Variants in SCFD1 observed in about 807,000 individuals in gnomAD.
SCFD1 encodes the protein sec1 family domain-containing protein 1.
A neutral mutation model predicts 103.2 loss-of-function variants in SCFD1; 37 were observed. The observed-to-expected ratio is 0.36, with a 90% CI of 0.28 to 0.47. SCFD1 has a LOEUF of 0.47. Ranked by LOEUF, SCFD1 falls within the 20% of genes least tolerant of loss-of-function variation. The pLI is 1.00. For missense variants in SCFD1, 639 were observed against 761.2 expected (o/e 0.84, Z 1.89); for synonymous variants, 264 against 245.0 (o/e 1.08, Z -0.73).
intron 10 of SCFD1, 76 bp from the exon 11 acceptor site, chr14:30,670,180 A>G (rs1274757993): frequency 5.0e-6 from 6 of 1,207,158 alleles, no homozygotes; most frequent in Non-Finnish European, 7.0e-6. Flanking sequence ...CCTTGGAAAC[A>G]TTAGAAAGGG....
rs766723109 is a variant in SCFD1 at position 30,715,977 on chromosome 14, C to T, written c.1683C>T (p.Pro561=). The part of the protein sequence containing the change: ...LDNLMEMKSN[P]ETDDYRYFDP... The stretch of plus-strand genomic sequence containing the variant: ...ATCTTATGGAGATGAAGTCAAACCC[C>T]GTGAGTACCATATAACATATTTTGT... The change falls in exon 20 of 25, where the codon CCC becomes CCT. Residue 561 remains proline, a splice_region_variant and synonymous_variant. Coordinates refer to ENST00000458591, the MANE Select transcript of SCFD1 (RefSeq NM_016106.4). 1.1e-5 allele frequency: 17 copies of T among 1,518,480 alleles called. No homozygotes were observed. In the Admixed American group the frequency reaches 2.1e-4, roughly 19 times the overall value. 94.1% of individuals were successfully genotyped at this position (1,518,480 alleles called of 1,614,324 possible).
chr14:30,705,496 C>T (rs932979271), intron 17 of SCFD1, among the ~76,000 whole-genome samples: 4 of 152,098 alleles, frequency 2.6e-5, no homozygotes, highest in African/African-American at 9.7e-5. Flanking sequence ...TCAGGCTGGG[C>T]GCAGTGGCTC....
At chr14:30,628,971 A>G (rs901246615) in intron 2 of SCFD1, among the ~76,000 whole-genome samples, 7 of 152,200 alleles carry the variant, frequency 4.6e-5, no homozygotes, top group African/African-American at 1.7e-4. Context: ...GGTTAACTCT[A>G]AAAGTAGTTA....
intron 14 of SCFD1, among the ~76,000 whole-genome samples, chr14:30,675,849 A>G (rs79599573): frequency 0.079 from 11,963 of 152,290 alleles, 766 homozygotes; most frequent in African/African-American, 0.17. Flanking sequence ...AATAATTTTA[A>G]AAGCCACAAA....
chr14:30,731,878 T>A (rs1485802418), intron 23 of SCFD1, among the ~76,000 whole-genome samples: 1 of 152,200 alleles, frequency 6.6e-6, no homozygotes, highest in Non-Finnish European at 1.5e-5. Context: ...TGGCCAGAAC[T>A]TCCAACACTA....
intron 9 of SCFD1, among the ~76,000 whole-genome samples, chr14:30,650,993 T>C (rs537725322): frequency 6.6e-6 from 1 of 152,128 alleles, no homozygotes; most frequent in Non-Finnish European, 1.5e-5. Flanking sequence ...TGTTTCTACC[T>C]TTATTAATCT....
In SCFD1 at chr14:30,636,638, G is replaced by A. The variant is rs73251159; in HGVS notation, c.313-1487G>A. Reference sequence around the variant, plus strand: ...CAGTGTTGATATCTCTTGCTTGATAGCAAGTTTTGAAATTGAGAAATTGTG... The same window carrying A: ...CAGTGTTGATATCTCTTGCTTGATAACAAGTTTTGAAATTGAGAAATTGTG... On this transcript the variant is annotated intron_variant, in intron 4 of 24. Coordinates refer to ENST00000458591, the MANE Select transcript of SCFD1 (RefSeq NM_016106.4). 8.8e-3 allele frequency among the ~76,000 whole-genome samples: 1,334 copies of A among 152,094 alleles called. 21 individuals are homozygous for A. Among genetic ancestry groups the A allele is most frequent in the African/African-American group, 0.03 (1,239 of 41,510 alleles).
intron 14 of SCFD1, chr14:30,683,150 A>G (rs901425386): frequency 1.7e-5 from 19 of 1,121,588 alleles, no homozygotes; most frequent in South Asian, 2.5e-5. Flanking sequence ...TCAAGGGGCT[A>G]TCAATGTTGG....
intron 6 of SCFD1, among the ~76,000 whole-genome samples, chr14:30,642,006 T>G (rs229164): frequency 0.25 from 37,454 of 152,124 alleles, 4,976 homozygotes; most frequent in East Asian, 0.46. Context: ...TCAAAGACAG[T>G]CTACTCAACA....
At chr14:30,642,189 G>A (rs61976709) in intron 6 of SCFD1, among the ~76,000 whole-genome samples, 2 of 152,134 alleles carry the variant, frequency 1.3e-5, no homozygotes, top group African/African-American at 4.8e-5. Context: ...CCAGTTTCAA[G>A]CAATCCTCCT....
intron 10 of SCFD1, among the ~76,000 whole-genome samples, chr14:30,668,689 AAAC>A (rs1228168635): frequency 1.3e-5 from 2 of 152,224 alleles, no homozygotes; most frequent in African/African-American, 4.8e-5. Flanking sequence ...CAAAGAACGT[AAAC>A]AAATTTACAA....
At position 30,735,647 on chromosome 14, in the gene SCFD1, T is replaced by C. The variant is rs941732960; in HGVS notation, c.*38T>C. The C allele has an allele frequency of 6.7e-7, 1 of 1,498,884 alleles. No individual in the cohort carries two copies. The highest frequency in any genetic ancestry group is 9.2e-7 in the Non-Finnish European group (1 of 1,090,768). 92.8% of individuals were successfully genotyped at this position (1,498,884 alleles called of 1,614,324 possible). A position where few individuals can be genotyped will look rare whatever the true frequency, so the allele number is the denominator to read the frequency against. On this transcript the variant is annotated 3_prime_UTR_variant, in exon 25 of 25. Transcript: ENST00000458591. ...TTACTATGATAATCTACTTGGAATG[T>C]GGATAAATGTAAAAAGAAGAAAAGT...
chr14:30,622,259 T>C, upstream of SCFD1: 1 of 1,570,594 alleles, frequency 6.4e-7, no homozygotes, highest in Non-Finnish European at 8.6e-7. Flanking sequence ...CCTTCCGGGC[T>C]TTGCTTCCGG....
At chr14:30,699,806 T>C (rs1041035888) in intron 15 of SCFD1, among the ~76,000 whole-genome samples, 3 of 152,164 alleles carry the variant, frequency 2.0e-5, no homozygotes, top group Non-Finnish European at 4.4e-5. Flanking sequence ...TCATACCAGT[T>C]GTCCTTATGT....
intron 19 of SCFD1, among the ~76,000 whole-genome samples, chr14:30,715,131 T>C (rs1459898850): frequency 1.3e-5 from 2 of 152,204 alleles, no homozygotes; most frequent in African/African-American, 4.8e-5. Context: ...TGTTTGTGTA[T>C]CCATATACCC....
chr14:30,712,031 G>GTAT (rs904551479), intron 19 of SCFD1, among the ~76,000 whole-genome samples: 1 of 145,134 alleles, frequency 6.9e-6, no homozygotes, highest in Non-Finnish European at 1.5e-5. Flanking sequence ...TAAGATAAGG[G>GTAT]TATTAGATAC....
intron 23 of SCFD1, among the ~76,000 whole-genome samples, chr14:30,724,259 T>TGTTG (rs1056456049): frequency 5.9e-5 from 8 of 136,526 alleles, no homozygotes; most frequent in African/African-American, 2.2e-4. Context: ...TTTTTTTTTT[T>TGTTG]TTTTTTTTTT....
chr14:30,731,646 C>T (rs890722782), intron 23 of SCFD1, among the ~76,000 whole-genome samples: 11 of 152,096 alleles, frequency 7.2e-5, no homozygotes, highest in African/African-American at 2.7e-4. Flanking sequence ...TGATTTGGCT[C>T]TCTGTTTGTC....
At chr14:30,716,096 A>T in intron 20 of SCFD1, 119 bp downstream of exon 20, 1 of 688,972 alleles carries the variant, frequency 1.5e-6, no homozygotes. Flanking sequence ...ATACATGAGG[A>T]AAAGGAAGAG....
Sources: allele counts gnomAD v4.1 joint callset (sites outside exome capture counted in the v4.1 genomes callset), GRCh38; gene constraint gnomAD v4.1.1; transcripts MANE v1.5; gene names NCBI Gene and HGNC (gene_info 2026-07-23, HGNC 2026-07-21).